Variants in IKZF2 observed in about 807,000 individuals in gnomAD.
IKZF2 encodes the protein IKAROS family zinc finger 2, also known as zinc finger protein Helios.
IKZF2 carries 15 observed loss-of-function variants against 49.2 expected under a neutral mutation model. That is an observed-to-expected ratio of 0.30 (90% CI 0.20 to 0.47). The LOEUF (loss-of-function observed/expected upper bound fraction) is 0.47. Ranked by LOEUF, IKZF2 falls within the 20% of genes least tolerant of loss-of-function variation. The pLI is 1.00. For synonymous variants in IKZF2, 227 were observed against 221.4 expected, an observed-to-expected ratio of 1.03 and a Z score of -0.23; for missense variants, 567 against 664.6, an observed-to-expected ratio of 0.85 and a Z score of 1.61.
At chr2:213,133,655 G>A (rs1200016442) in intron 4 of IKZF2, among the ~76,000 whole-genome samples, 2 of 151,620 alleles carry the variant, frequency 1.3e-5, no homozygotes, top group Non-Finnish European at 2.9e-5. Flanking sequence ...AGCCGAGATC[G>A]CACCACCGCA....
At position 213,147,667 on chromosome 2, in the gene IKZF2, G is replaced by GAC. The variant is rs761008559; in HGVS notation, c.139+39_139+40dup. 119 of 1,396,476 alleles carry GAC rather than the reference G, an allele frequency of 8.5e-5. 1 individual carries two copies. The East Asian group carries it at 2.6e-3, about 30-fold the overall frequency. 86.5% of individuals were successfully genotyped at this position (1,396,476 alleles called of 1,614,324 possible). A position where few individuals can be genotyped will look rare whatever the true frequency, so the allele number is the denominator to read the frequency against. The stretch of plus-strand genomic sequence containing the variant: ...ACAAATTAAAGTCTGTTGCTGGAGA[G>GAC]ACACACACACACAAAAAAAAATCAT... On this transcript the variant is annotated intron_variant, in intron 4 of 8. Coordinates refer to ENST00000434687, the MANE Select transcript of IKZF2 (RefSeq NM_001387220.1).
rs1553604949 is a variant in IKZF2 at position 213,146,761 on chromosome 2, G to GGGGGC, written c.139+946_139+947insGCCCC. On this transcript the variant is annotated intron_variant, in intron 4 of 8. Transcript: ENST00000434687. Reference sequence around the variant, plus strand: ...ACTTTTCTTAGTTATTAAATCTTCGGGGGGGGGGAAGGAAAGAGAATGCCT... The same window carrying GGGGGC: ...ACTTTTCTTAGTTATTAAATCTTCGGGGGGCGGGGGGGGAAGGAAAGAGAATGCCT... Among the ~76,000 whole-genome samples, 12 of 135,344 alleles carry GGGGGC rather than the reference G, an allele frequency of 8.9e-5. 1 individual carries two copies. The highest frequency in any genetic ancestry group is 1.5e-4 in the Non-Finnish European group (9 of 61,848). 88.8% of individuals were successfully genotyped at this position (135,344 alleles called of 152,430 possible). A position where few individuals can be genotyped will look rare whatever the true frequency, so the allele number is the denominator to read the frequency against.
At chr2:213,068,945 AC>A (rs1391274298) in intron 4 of IKZF2, among the ~76,000 whole-genome samples, 1 of 144,274 alleles carries the variant, frequency 6.9e-6, no homozygotes, top group Non-Finnish European at 1.5e-5. Context: ...ACACACACAC[AC>A]AACATACTCA....
intron 2 of IKZF2, among the ~76,000 whole-genome samples, chr2:213,149,078 G>A (rs1259949384): frequency 6.6e-6 from 1 of 152,098 alleles, no homozygotes; most frequent in Non-Finnish European, 1.5e-5. Context: ...GGTTCATCAT[G>A]TTCTAATAGG....
At chr2:213,022,237 G>T in intron 6 of IKZF2, 107 bp from the exon 7 acceptor site, 2 of 1,066,746 alleles carry the variant, frequency 1.9e-6, no homozygotes, top group Non-Finnish European at 1.3e-6. Context: ...ATAATTTTCA[G>T]ACTTAAATCT....
intron 4 of IKZF2, among the ~76,000 whole-genome samples, chr2:213,117,124 A>C (rs1236209651): frequency 6.6e-6 from 1 of 152,164 alleles, no homozygotes; most frequent in Admixed American, 6.5e-5. Flanking sequence ...TGTGCTGAAC[A>C]GCGAAAGAAA....
chr2:213,041,628 T>A (rs904303039), intron 6 of IKZF2, among the ~76,000 whole-genome samples: 41 of 152,174 alleles, frequency 2.7e-4, no homozygotes, highest in Admixed American at 9.8e-4. Context: ...CTTTAGCTGA[T>A]CTTTGTTCAT....
At chr2:213,020,463 C>T (rs911824146) in intron 7 of IKZF2, among the ~76,000 whole-genome samples, 6 of 151,984 alleles carry the variant, frequency 3.9e-5, no homozygotes, top group Non-Finnish European at 2.9e-5. Context: ...TGGCAGACTC[C>T]GAGACGCACC....
At chr2:213,103,382 T>G (rs558413481) in intron 4 of IKZF2, among the ~76,000 whole-genome samples, 1 of 152,260 alleles carries the variant, frequency 6.6e-6, no homozygotes, top group African/African-American at 2.4e-5. Flanking sequence ...ATAAAAAGTA[T>G]TATATGAATA....
At chr2:213,036,573 T>G (rs1405173587) in intron 6 of IKZF2, among the ~76,000 whole-genome samples, 1 of 152,202 alleles carries the variant, frequency 6.6e-6, no homozygotes. Flanking sequence ...ATATAAGGGA[T>G]GAAGATGCAA....
Position 213,061,609 on chromosome 2 carries a change from A to G in IKZF2, c.140-4510T>C, listed in dbSNP as rs1574676746. On this transcript the variant is annotated intron_variant, in intron 4 of 8. Transcript: ENST00000434687. ...TTACATTCATTTATAGAACTCATCT[A>G]CCTTAGCCAATAAAGAACAAAGACA... is the stretch of plus-strand genomic sequence containing the variant. Among the ~76,000 whole-genome samples, 3 of 151,538 alleles carry G rather than the reference A, an allele frequency of 2.0e-5. No individual in the cohort carries two copies. The South Asian group carries it at 6.2e-4, about 31-fold the overall frequency.
chr2:213,082,730 TGTGA>T (rs1320029712), intron 4 of IKZF2, among the ~76,000 whole-genome samples: 1 of 152,196 alleles, frequency 6.6e-6, no homozygotes, highest in Non-Finnish European at 1.5e-5. Context: ...TTGGTGAGTG[TGTGA>T]GTAAGAAACA....
At chr2:213,013,124 A>G (rs1234562157) in intron 8 of IKZF2, among the ~76,000 whole-genome samples, 1 of 151,992 alleles carries the variant, frequency 6.6e-6, no homozygotes, top group Non-Finnish European at 1.5e-5. Flanking sequence ...CATAGGCTGG[A>G]TGAAAAAACA....
intron 5 of IKZF2, 57 bp downstream of exon 5, chr2:213,056,776 G>C: frequency 6.3e-7 from 1 of 1,591,444 alleles, no homozygotes; most frequent in Non-Finnish European, 8.6e-7. Flanking sequence ...TAGATGTCAG[G>C]TAATATCAAC....
intron 8 of IKZF2, among the ~76,000 whole-genome samples, chr2:213,011,787 C>CA (rs150515889): frequency 0.23 from 34,648 of 151,682 alleles, 4,382 homozygotes; most frequent in Non-Finnish European, 0.27. Context: ...GAATTTTCTC[C>CA]AAAAGTACCA....
At chr2:213,042,065 T>C (rs1290661246) in intron 6 of IKZF2, among the ~76,000 whole-genome samples, 2 of 152,128 alleles carry the variant, frequency 1.3e-5, no homozygotes, top group Admixed American at 1.3e-4. Context: ...CTTGACAACG[T>C]CCCATAGCTA....
intron 4 of IKZF2, among the ~76,000 whole-genome samples, chr2:213,145,172 TAA>T (rs11356704): frequency 7.9e-5 from 11 of 138,474 alleles, no homozygotes; most frequent in South Asian, 2.3e-4. Flanking sequence ...GCTGTTTTAC[TAA>T]AAAAAAAAAA....
chr2:213,145,739 G>A (rs1370186777), intron 4 of IKZF2, among the ~76,000 whole-genome samples: 1 of 152,066 alleles, frequency 6.6e-6, no homozygotes, highest in East Asian at 1.9e-4. Context: ...GCTCTGAAGT[G>A]AGAGCCAAAA....
At chr2:213,133,368 G>C (rs1282283025) in intron 4 of IKZF2, among the ~76,000 whole-genome samples, 2 of 152,090 alleles carry the variant, frequency 1.3e-5, no homozygotes, top group Non-Finnish European at 2.9e-5. Context: ...ACATATATTA[G>C]GTCCCACTTC....
Sources: gnomAD v4.1 joint callset for allele counts (sites outside exome capture counted in the v4.1 genomes callset) on GRCh38, gnomAD v4.1.1 for gene constraint, MANE v1.5 for transcripts, NCBI Gene and HGNC (gene_info 2026-07-23, HGNC 2026-07-21) for gene names.